ABCE1: variants seen among roughly 807,000 people sequenced by gnomAD.
ABCE1 encodes ATP binding cassette subfamily E member 1, also known as ATP-binding cassette sub-family E member 1.
ABCE1 carries 22 observed loss-of-function variants against 83.4 expected under a neutral mutation model. That is an observed-to-expected ratio of 0.26 (90% CI 0.19 to 0.38). ABCE1 has a LOEUF of 0.38. ABCE1 is among the 10% of genes least tolerant of loss of function. The pLI, the probability that ABCE1 is intolerant of heterozygous loss-of-function variation, is 1.00. For synonymous variants in ABCE1, 204 were observed against 233.7 expected, an observed-to-expected ratio of 0.87 and a Z score of 1.16; for missense variants, 330 against 721.9, an observed-to-expected ratio of 0.46 and a Z score of 6.22.
At chr4:145,122,135 C>T (rs1579222360) in intron 13 of ABCE1, 1 of 152,318 alleles carries the variant, frequency 6.6e-6, no homozygotes, top group East Asian at 1.9e-4. Flanking sequence ...ATGCCACAGT[C>T]CTTGAAACCA....
At chr4:145,111,269 A>T (rs1053884166) in intron 8 of ABCE1, 9 of 430,836 alleles carry the variant, frequency 2.1e-5, no homozygotes, top group Non-Finnish European at 3.7e-5. Context: ...ATTTATTTAG[A>T]TAGTTTATAA....
intron 3 of ABCE1, 37 bp from the exon 4 acceptor site, chr4:145,107,978 A>G (rs1749353394): frequency 1.3e-6 from 2 of 1,537,578 alleles, no homozygotes; most frequent in Non-Finnish European, 1.8e-6. Flanking sequence ...ATGTCTACAA[A>G]TTAATACAAA....
intron 13 of ABCE1, 118 bp from the exon 14 acceptor site, chr4:145,122,903 T>A: frequency 1.5e-6 from 1 of 648,820 alleles, no homozygotes; most frequent in Non-Finnish European, 2.6e-6. Context: ...CACATTGATA[T>A]CTGTTGGTGG....
intron 1 of ABCE1, among the ~76,000 whole-genome samples, chr4:145,101,258 GAATAGC>G (rs1446362699): frequency 6.6e-6 from 1 of 152,090 alleles, no homozygotes; most frequent in Non-Finnish European, 1.5e-5. Flanking sequence ...TCTCTAGGGG[GAATAGC>G]ATTACAGGCA....
At chr4:145,121,301 T>A in intron 12 of ABCE1, 32 bp from the exon 13 acceptor site, 1 of 1,612,702 alleles carries the variant, frequency 6.2e-7, no homozygotes, top group Non-Finnish European at 8.5e-7. Flanking sequence ...CTGGGCAGTT[T>A]TTAGTGTCTT....
At chr4:145,113,136 A>G (rs887801311) in intron 9 of ABCE1, among the ~76,000 whole-genome samples, 1 of 152,200 alleles carries the variant, frequency 6.6e-6, no homozygotes, top group Non-Finnish European at 1.5e-5. Flanking sequence ...TTTCTGTAAT[A>G]GGTCTTGGGT....
chr4:145,128,530 G>C lies in ABCE1; in HGVS notation c.*957G>C, dbSNP rs1397916769. The C allele has an allele frequency of 6.6e-6, 1 of 152,104 alleles. No homozygotes were observed. Among genetic ancestry groups the C allele is most frequent in the Non-Finnish European group, 1.5e-5 (1 of 68,002 alleles). The allele number at this position is 152,104 out of a possible 1,614,324, so 9.4% of individuals were successfully genotyped here. The stretch of plus-strand genomic sequence containing the variant: ...AAAAGTCCCCAGATGGCAATACAAA[G>C]TATCCCCTGGTACCACATATATTCA... On this transcript the variant is annotated 3_prime_UTR_variant, in exon 18 of 18. Coordinates refer to ENST00000296577, the MANE Select transcript of ABCE1 (RefSeq NM_002940.3).
At chr4:145,121,082 C>T in intron 11 of ABCE1, 92 bp from the exon 12 acceptor site, 1 of 1,270,240 alleles carries the variant, frequency 7.9e-7, no homozygotes, top group Non-Finnish European at 1.1e-6. Context: ...ATCTTTAAAA[C>T]AAATTTCTCA....
intron 11 of ABCE1, 53 bp from the exon 12 acceptor site, chr4:145,121,121 A>T: frequency 6.4e-7 from 1 of 1,571,898 alleles, no homozygotes; most frequent in Non-Finnish European, 8.7e-7. Flanking sequence ...ATAGTGATTT[A>T]CTTTAAACGT....
At chr4:145,111,447 C>G (rs1394832152) in intron 8 of ABCE1, among the ~76,000 whole-genome samples, 1 of 152,190 alleles carries the variant, frequency 6.6e-6, no homozygotes, top group Non-Finnish European at 1.5e-5. Flanking sequence ...CCTCAGCCTC[C>G]TGAGTAGCTG....
At chr4:145,121,530 G>C in intron 13 of ABCE1, 139 bp downstream of exon 13, 1 of 651,318 alleles carries the variant, frequency 1.5e-6, no homozygotes, top group Non-Finnish European at 2.6e-6. Context: ...AATGTATTAA[G>C]AGTCCAATCC....
chr4:145,105,499 A>T (rs1028806623), intron 2 of ABCE1, 106 bp from the exon 3 acceptor site: 7 of 725,940 alleles, frequency 9.6e-6, no homozygotes, highest in Admixed American at 5.3e-5. Context: ...TGTTTTTGAA[A>T]ATCTGCTTCT....
rs371740110 is a variant in ABCE1 at position 145,123,482 on chromosome 4, A to G, written c.1522A>G (p.Ile508Val). 67 of 1,602,090 alleles carry G rather than the reference A, an allele frequency of 4.2e-5. No individual in the cohort carries two copies. The highest frequency in any genetic ancestry group is 5.3e-5 in the Non-Finnish European group (62 of 1,170,094). ...LMAARVVKRF[I>V]LHAKKTAFVV... ...TTCAAAATCATTGTGTTTTAGTTTCATACTCCATGCAAAAAAGACAGCCTT... is the reference window on the plus strand; with the variant it reads ...TTCAAAATCATTGTGTTTTAGTTTCGTACTCCATGCAAAAAAGACAGCCTT... The change falls in exon 16 of 18, where the codon ATA becomes GTA. Residue 508 changes from isoleucine to valine, a missense_variant. Coordinates refer to ENST00000296577, the MANE Select transcript of ABCE1 (RefSeq NM_002940.3).
intron 6 of ABCE1, 61 bp from the exon 7 acceptor site, chr4:145,110,314 A>G (rs1350796194): frequency 1.7e-5 from 27 of 1,600,500 alleles, no homozygotes; most frequent in Non-Finnish European, 2.3e-5. Flanking sequence ...AACTTGTTTT[A>G]CTTTGTGATT....
At chr4:145,110,495 G>A in intron 7 of ABCE1, 51 bp downstream of exon 7, 1 of 1,567,258 alleles carries the variant, frequency 6.4e-7, no homozygotes. Context: ...TATTTTTTGA[G>A]ACGGAGTTTC....
intron 1 of ABCE1, among the ~76,000 whole-genome samples, chr4:145,098,898 G>C (rs1026210698): frequency 2.0e-5 from 3 of 152,212 alleles, no homozygotes; most frequent in African/African-American, 7.2e-5. Context: ...GCATCTTGCC[G>C]CCATGAAGTC....
chr4:145,109,962 A>G (rs1185706102), intron 5 of ABCE1, 141 bp from the exon 6 acceptor site: 3 of 705,806 alleles, frequency 4.3e-6, no homozygotes, highest in Non-Finnish European at 6.5e-6. Flanking sequence ...TGAGACTTTT[A>G]TTAATTATGT....
rs1749932498 is a variant in ABCE1, at chr4:145,127,746, A to G, written c.*173A>G. ...GGGTTCTAAATTGTAGTTGAAACACAGAAAATGCCACTTTTCTGTTCCTGA... is the reference window on the plus strand; with the variant it reads ...GGGTTCTAAATTGTAGTTGAAACACGGAAAATGCCACTTTTCTGTTCCTGA... On this transcript the variant is annotated 3_prime_UTR_variant, in exon 18 of 18. Transcript: ENST00000296577. 4.2e-6 allele frequency: 2 copies of G among 470,986 alleles called. No individual in the cohort carries two copies. The highest frequency in any genetic ancestry group is 7.3e-6 in the Non-Finnish European group (2 of 273,912). The allele number at this position is 470,986 out of a possible 1,614,324, so 29.2% of individuals were successfully genotyped here.
At chr4:145,120,221 T>G in intron 11 of ABCE1, 68 bp downstream of exon 11, 5 of 1,398,560 alleles carry the variant, frequency 3.6e-6, no homozygotes, top group Non-Finnish European at 4.9e-6. Flanking sequence ...TTAACTGTTT[T>G]GTGGAAAAAT....
Sources: allele counts gnomAD v4.1 joint callset (sites outside exome capture counted in the v4.1 genomes callset), GRCh38; gene constraint gnomAD v4.1.1; transcripts MANE v1.5; gene names NCBI Gene and HGNC (gene_info 2026-07-23, HGNC 2026-07-21).